The following CACNA2D1 variants were observed in gnomAD, a reference collection of about 807,000 sequenced individuals.
CACNA2D1 encodes the protein voltage-dependent calcium channel subunit alpha-2/delta-1.
In CACNA2D1, 53 loss-of-function variants were observed where a neutral mutation model predicts 171.5. The ratio of observed to expected loss-of-function variants is 0.31; its 90% confidence interval spans 0.25 to 0.39. The LOEUF (loss-of-function observed/expected upper bound fraction) is 0.39, where lower values mean the gene tolerates loss of function less well. CACNA2D1 is among the 10% of genes least tolerant of loss of function. The pLI, the probability that CACNA2D1 is intolerant of heterozygous loss-of-function variation, is 1.00. For missense variants in CACNA2D1, 903 were observed against 1,299.8 expected, an observed-to-expected ratio of 0.69 and a Z score of 4.69; for synonymous variants, 442 against 443.1, an observed-to-expected ratio of 1.00 and a Z score of 0.03.
chr7:82,037,910 C>G (rs1803506449), intron 11 of CACNA2D1, among the ~76,000 whole-genome samples, 167 bp downstream of exon 11: 5 of 151,838 alleles, frequency 3.3e-5, no homozygotes, highest in Admixed American at 3.3e-4. Context: ...ATTTTAAATT[C>G]AAAGATAAAA....
chr7:82,031,693 A>T (rs1802719922), intron 12 of CACNA2D1, among the ~76,000 whole-genome samples: 1 of 151,944 alleles, frequency 6.6e-6, no homozygotes, highest in African/African-American at 2.4e-5. Flanking sequence ...GGGTTCCAAA[A>T]ATTTTCATCA....
chr7:82,012,399 C>T, intron 14 of CACNA2D1, 156 bp from the exon 15 acceptor site: 1 of 630,568 alleles, frequency 1.6e-6, no homozygotes, highest in Non-Finnish European at 2.8e-6. Flanking sequence ...ATTTTGGGTA[C>T]TCCATAGGTG....
intron 15 of CACNA2D1, among the ~76,000 whole-genome samples, chr7:82,007,957 T>A (rs1799304899): frequency 6.6e-6 from 1 of 152,132 alleles, no homozygotes; most frequent in Non-Finnish European, 1.5e-5. Context: ...TAGGACCTAC[T>A]AGGCACCTAC....
At chr7:82,077,079 C>G (rs780029506) in intron 7 of CACNA2D1, among the ~76,000 whole-genome samples, 2 of 152,134 alleles carry the variant, frequency 1.3e-5, no homozygotes, top group Non-Finnish European at 2.9e-5. Flanking sequence ...GTATTGCAAT[C>G]TAAATTTAAG....
intron 1 of CACNA2D1, among the ~76,000 whole-genome samples, chr7:82,414,597 G>A (rs1022689485): frequency 6.6e-6 from 1 of 152,204 alleles, no homozygotes; most frequent in East Asian, 1.9e-4. Flanking sequence ...ATCCAGGGAG[G>A]CCAGGGTAAA....
At chr7:82,018,890 C>T (rs1023076943) in intron 12 of CACNA2D1, among the ~76,000 whole-genome samples, 2 of 144,570 alleles carry the variant, frequency 1.4e-5, no homozygotes, top group South Asian at 4.4e-4. Flanking sequence ...GGTGCTGAGG[C>T]AGGAGAATCG....
chr7:82,238,711 T>C (rs889648373), intron 3 of CACNA2D1, among the ~76,000 whole-genome samples: 16 of 152,104 alleles, frequency 1.1e-4, no homozygotes, highest in Admixed American at 2.0e-4. Flanking sequence ...GAATCTTGGA[T>C]CTTGACTTAG....
chr7:82,363,687 G>A (rs1378276511), intron 1 of CACNA2D1, among the ~76,000 whole-genome samples: 1 of 130,998 alleles, frequency 7.6e-6, no homozygotes, highest in Non-Finnish European at 1.7e-5. Flanking sequence ...CAGCAACTAA[G>A]GGCGAAATAA....
intron 3 of CACNA2D1, among the ~76,000 whole-genome samples, chr7:82,186,082 G>A (rs1020645402): frequency 5.3e-5 from 8 of 151,820 alleles, no homozygotes; most frequent in Non-Finnish European, 1.2e-4. Flanking sequence ...CTTGAACCCG[G>A]GAGGTGGAGG....
intron 1 of CACNA2D1, among the ~76,000 whole-genome samples, chr7:82,427,542 T>C (rs1006835260): frequency 3.9e-5 from 6 of 152,210 alleles, no homozygotes; most frequent in Admixed American, 1.3e-4. Context: ...ATTAGACTGT[T>C]ATCCTGCTTC....
intron 25 of CACNA2D1, among the ~76,000 whole-genome samples, chr7:81,972,886 T>C (rs1036380762): frequency 6.6e-6 from 1 of 152,016 alleles, no homozygotes; most frequent in Non-Finnish European, 1.5e-5. Context: ...ACACCTGGGA[T>C]TAAAGGATCA....
At chr7:82,317,866 T>A (rs1299453170) in intron 3 of CACNA2D1, among the ~76,000 whole-genome samples, 2 of 151,928 alleles carry the variant, frequency 1.3e-5, no homozygotes, top group Non-Finnish European at 2.9e-5. Flanking sequence ...GGTGAATACA[T>A]TAAACATCTG....
rs1385153112 is a variant in CACNA2D1 at position 81,948,458 on chromosome 7, T to C, written c.*1934A>G. 1 of 146,588 alleles carries C rather than the reference T, an allele frequency of 6.8e-6. No homozygotes were observed. Among genetic ancestry groups the C allele is most frequent in the Non-Finnish European group, 1.5e-5 (1 of 65,316 alleles). The allele number at this position is 146,588 out of a possible 1,614,324, so 9.1% of individuals were successfully genotyped here. On this transcript the variant is annotated 3_prime_UTR_variant, in exon 39 of 39. Coordinates refer to ENST00000356860, the MANE Select transcript of CACNA2D1 (RefSeq NM_000722.4). ...AGTGATTCCATTTCCCCCCACCTTTTTATTGAAAAAAAAAATCTTGAAATG... is the reference window on the plus strand; with the variant it reads ...AGTGATTCCATTTCCCCCCACCTTTCTATTGAAAAAAAAAATCTTGAAATG...
intron 1 of CACNA2D1, among the ~76,000 whole-genome samples, chr7:82,402,377 G>A (rs763834577): frequency 1.1e-4 from 16 of 152,006 alleles, no homozygotes; most frequent in Non-Finnish European, 2.1e-4. Flanking sequence ...TTTAAAATAA[G>A]AGCAAGACCA....
intron 3 of CACNA2D1, among the ~76,000 whole-genome samples, chr7:82,222,354 T>C (rs1297294531): frequency 6.6e-6 from 1 of 152,186 alleles, no homozygotes; most frequent in East Asian, 1.9e-4. Flanking sequence ...TACAAGACTA[T>C]AGCCATATTA....
intron 5 of CACNA2D1, among the ~76,000 whole-genome samples, chr7:82,123,343 A>C (rs1216250762): frequency 6.6e-6 from 1 of 152,210 alleles, no homozygotes; most frequent in African/African-American, 2.4e-5. Context: ...GCAGAAACTT[A>C]GGACTCAAAG....
chr7:82,094,762 C>T (rs1811660371), intron 6 of CACNA2D1, among the ~76,000 whole-genome samples: 1 of 72,198 alleles, frequency 1.4e-5, no homozygotes, highest in Non-Finnish European at 2.7e-5. Context: ...TTCTAAATGA[C>T]TTAAAAGTTT....
In CACNA2D1 at chr7:82,337,477, T is replaced by C. The variant is rs1184489136; in HGVS notation, c.178-2226A>G. On this transcript the variant is annotated intron_variant, in intron 2 of 38. Coordinates refer to ENST00000356860, the MANE Select transcript of CACNA2D1 (RefSeq NM_000722.4). ...GATCACACAATATATTTTCATAATATGTGTATATTTCTAACTCTTTCCATC... is the reference window on the plus strand; with the variant it reads ...GATCACACAATATATTTTCATAATACGTGTATATTTCTAACTCTTTCCATC... Among the ~76,000 whole-genome samples the C allele has an allele frequency of 3.3e-5, 5 of 152,184 alleles. No individual in the cohort carries two copies. In the East Asian group the frequency reaches 9.6e-4, roughly 29 times the overall value.
At chr7:82,392,107 A>G (rs1035353023) in intron 1 of CACNA2D1, among the ~76,000 whole-genome samples, 1 of 152,126 alleles carries the variant, frequency 6.6e-6, no homozygotes, top group African/African-American at 2.4e-5. Flanking sequence ...CTCTCTTCCC[A>G]TGTGGCACAC....
Sources: gnomAD v4.1 joint callset for allele counts (sites outside exome capture counted in the v4.1 genomes callset) on GRCh38, gnomAD v4.1.1 for gene constraint, MANE v1.5 for transcripts, NCBI Gene and HGNC (gene_info 2026-07-23, HGNC 2026-07-21) for gene names.